Variants in ANKRD31 observed in about 807,000 individuals in gnomAD.
ANKRD31 encodes the protein ankyrin repeat domain 31, also known as ankyrin repeat domain-containing protein 31.
Under a neutral mutation model 186.0 loss-of-function variants are expected in ANKRD31, and 147 were observed. The observed-to-expected ratio is 0.79, with a 90% CI of 0.69 to 0.91. The LOEUF is 0.91. Among genes scored for constraint, ANKRD31 ranks in the 40% least tolerant of loss-of-function variants. ANKRD31 has a pLI of 0.00. For missense variants in ANKRD31, 1,986 were observed against 2,148.8 expected (o/e 0.92, Z 1.50); for synonymous variants, 673 against 736.4 (o/e 0.91, Z 1.39).
At chr5:75,151,801 TC>T (rs1313643496) in intron 12 of ANKRD31, among the ~76,000 whole-genome samples, 1 of 152,080 alleles carries the variant, frequency 6.6e-6, no homozygotes, top group Admixed American at 6.6e-5. Flanking sequence ...TGTCCTGTTA[TC>T]CTCCTGGACA....
At chr5:75,137,685 A>G (rs993408327) in intron 17 of ANKRD31, among the ~76,000 whole-genome samples, 171 bp downstream of exon 17, 1 of 152,184 alleles carries the variant, frequency 6.6e-6, no homozygotes, top group Admixed American at 6.6e-5. Flanking sequence ...TAGGATACAT[A>G]GATTTTCTAA....
intron 7 of ANKRD31, among the ~76,000 whole-genome samples, chr5:75,194,291 T>G (rs1484785782): frequency 1.3e-5 from 2 of 152,148 alleles, no homozygotes; most frequent in Admixed American, 6.6e-5. Flanking sequence ...TTTATTTTTT[T>G]TCCTTTCGAA....
At chr5:75,074,221 C>T (rs1384335508) in intron 25 of ANKRD31, among the ~76,000 whole-genome samples, 2 of 152,170 alleles carry the variant, frequency 1.3e-5, no homozygotes, top group African/African-American at 4.8e-5. Context: ...AGTGTTAAGG[C>T]CACCAATAGT....
chr5:75,184,468 T>A (rs140220221), intron 10 of ANKRD31, among the ~76,000 whole-genome samples: 1 of 151,978 alleles, frequency 6.6e-6, no homozygotes, highest in Admixed American at 6.6e-5. Flanking sequence ...ACTTATAGAA[T>A]GGGAGAAAAT....
At chr5:75,079,851 C>G (rs1744947046) in intron 25 of ANKRD31, among the ~76,000 whole-genome samples, 1 of 152,010 alleles carries the variant, frequency 6.6e-6, no homozygotes, top group African/African-American at 2.4e-5. Context: ...GCCTGTAATC[C>G]CAGAACTTTG....
intron 25 of ANKRD31, among the ~76,000 whole-genome samples, chr5:75,078,282 T>C (rs944091469): frequency 1.3e-5 from 2 of 152,194 alleles, no homozygotes; most frequent in Non-Finnish European, 2.9e-5. Flanking sequence ...GATGTTTGTG[T>C]TCTATTATGT....
chr5:75,186,842 C>G (rs1754745843), intron 10 of ANKRD31, among the ~76,000 whole-genome samples: 1 of 152,006 alleles, frequency 6.6e-6, no homozygotes. Context: ...GGCAGTGGGC[C>G]TTTTTTTAAA....
chr5:75,100,494 CGTT>C (rs1746752788), intron 22 of ANKRD31, among the ~76,000 whole-genome samples: 1 of 152,188 alleles, frequency 6.6e-6, no homozygotes, highest in South Asian at 2.1e-4. Context: ...CTTTCTGTCT[CGTT>C]GATCTGTCTA....
intron 17 of ANKRD31, among the ~76,000 whole-genome samples, chr5:75,131,769 C>T (rs943097473): frequency 8.6e-5 from 13 of 151,388 alleles, no homozygotes; most frequent in African/African-American, 2.7e-4. Context: ...CATTAGGGGC[C>T]GACTGACACC....
At chr5:75,207,945 A>G (rs1756361248) in intron 4 of ANKRD31, among the ~76,000 whole-genome samples, 1 of 152,120 alleles carries the variant, frequency 6.6e-6, no homozygotes, top group Non-Finnish European at 1.5e-5. Context: ...TCTTACACTT[A>G]TTTATATCTA....
chr5:75,233,909 T>A (rs1758101530), intron 1 of ANKRD31, among the ~76,000 whole-genome samples: 5 of 151,734 alleles, frequency 3.3e-5, no homozygotes, highest in Admixed American at 3.3e-4. Flanking sequence ...AGAATGAGAC[T>A]CCGTCTCAAA....
At chr5:75,229,841 G>A (rs1407748699) in intron 2 of ANKRD31, among the ~76,000 whole-genome samples, 1 of 136,026 alleles carries the variant, frequency 7.4e-6, no homozygotes, top group Non-Finnish European at 1.5e-5. Context: ...CTCCAGCCTG[G>A]GCGACAGAGT....
chr5:75,104,342 T>G lies in ANKRD31; in HGVS notation c.5217A>C (p.Ile1739=), dbSNP rs1208806031. The change falls in exon 22 of 26, where the codon ATA becomes ATC. Residue 1739 remains isoleucine, a synonymous_variant. Transcript: ENST00000506364. The part of the protein sequence containing the change: ...SSSGSGQQDT[I]KKALNYSTAP... Reference sequence around the variant, plus strand: ...CTGTACTGTAGTTTAAAGCCTTTTTTATTGTATCTTGTTGCCCAGATCCAG... The same window carrying G: ...CTGTACTGTAGTTTAAAGCCTTTTTGATTGTATCTTGTTGCCCAGATCCAG... 2.6e-6 allele frequency: 4 copies of G among 1,537,122 alleles called. No individual in the cohort carries two copies. Among genetic ancestry groups the G allele is most frequent in the Non-Finnish European group, 2.6e-6 (3 of 1,146,898 alleles).
intron 4 of ANKRD31, among the ~76,000 whole-genome samples, chr5:75,210,565 C>T (rs959626073): frequency 6.6e-6 from 1 of 152,024 alleles, no homozygotes; most frequent in African/African-American, 2.4e-5. Context: ...TATTTGCAGC[C>T]CCTTCATAAA....
intron 9 of ANKRD31, among the ~76,000 whole-genome samples, chr5:75,189,085 C>A (rs184454725): frequency 4.6e-5 from 7 of 152,046 alleles, no homozygotes; most frequent in African/African-American, 1.7e-4. Context: ...ATCTCAGAGG[C>A]ATATAAGATA....
intron 10 of ANKRD31, 50 bp downstream of exon 10, chr5:75,188,443 G>T: frequency 6.7e-7 from 1 of 1,482,032 alleles, no homozygotes; most frequent in Non-Finnish European, 8.9e-7. Flanking sequence ...TGATTCAGCT[G>T]AAACTACAAA....
chr5:75,201,116 G>A (rs915225042), intron 5 of ANKRD31, among the ~76,000 whole-genome samples: 1 of 151,962 alleles, frequency 6.6e-6, no homozygotes, highest in Non-Finnish European at 1.5e-5. Context: ...GGTTTTTCAG[G>A]GGGAAAAAGA....
chr5:75,140,445 T>C (rs751844741), intron 15 of ANKRD31, among the ~76,000 whole-genome samples: 3 of 152,124 alleles, frequency 2.0e-5, no homozygotes, highest in Non-Finnish European at 4.4e-5. Flanking sequence ...ATCGGCACCA[T>C]GGAGGAAACT....
chr5:75,203,638 G>C (rs1458388994), intron 5 of ANKRD31, among the ~76,000 whole-genome samples: 1 of 148,028 alleles, frequency 6.8e-6, no homozygotes, highest in Non-Finnish European at 1.5e-5. Flanking sequence ...ACTCCAGCCT[G>C]GGCGAAAGAG....
Sources: allele counts gnomAD v4.1 joint callset (sites outside exome capture counted in the v4.1 genomes callset), GRCh38; gene constraint gnomAD v4.1.1; transcripts MANE v1.5; gene names NCBI Gene and HGNC (gene_info 2026-07-23, HGNC 2026-07-21).